F5: variants seen among roughly 807,000 people sequenced by gnomAD.
The protein encoded by F5 is activated protein c cofactor.
A neutral mutation model predicts 216.4 loss-of-function variants in F5; 138 were observed. That is an observed-to-expected ratio of 0.64 (90% CI 0.56 to 0.73). F5 has a LOEUF of 0.73. Ranked by LOEUF, F5 falls within the 30% of genes least tolerant of loss-of-function variation. The probability of loss-of-function intolerance (pLI) is 0.00; values close to 1 mark genes in which losing one functional copy is unlikely to be tolerated. For synonymous variants in F5, 916 were observed against 930.7 expected, an observed-to-expected ratio of 0.98 and a Z score of 0.29; for missense variants, 2,403 against 2,674.0, an observed-to-expected ratio of 0.90 and a Z score of 2.24.
At chr1:169,531,738 A>G (rs545684678) in intron 14 of F5, among the ~76,000 whole-genome samples, 1 of 152,256 alleles carries the variant, frequency 6.6e-6, no homozygotes, top group South Asian at 2.1e-4. Context: ...CTTAAATGCC[A>G]TATGAGAAGT....
chr1:169,538,598 A>C (rs1002640524), intron 13 of F5, among the ~76,000 whole-genome samples: 2 of 152,206 alleles, frequency 1.3e-5, no homozygotes, highest in South Asian at 2.1e-4. Flanking sequence ...ACAACAACAA[A>C]AAAACTGGGG....
intron 6 of F5, among the ~76,000 whole-genome samples, chr1:169,556,425 T>TAGAAAAAAAAAAAAAAAAAAAA (rs1553222165): frequency 1.7e-5 from 1 of 58,906 alleles, no homozygotes; most frequent in Non-Finnish European, 2.9e-5. Flanking sequence ...TTTGCTTAAT[T>TAGAAAAAAAAAAAAAAAAAAAA]AAAAAAAAAA....
At chr1:169,535,102 C>G (rs889915701) in intron 14 of F5, among the ~76,000 whole-genome samples, 5 of 152,128 alleles carry the variant, frequency 3.3e-5, no homozygotes, top group African/African-American at 1.2e-4. Flanking sequence ...ATGATGGGAT[C>G]AATCATACCC....
intron 18 of F5, 94 bp from the exon 19 acceptor site, chr1:169,525,002 A>T: frequency 1.0e-6 from 1 of 989,780 alleles, no homozygotes; most frequent in East Asian, 2.6e-5. Context: ...TTCTGACTCA[A>T]TAATTAGATA....
At position 169,529,807 on chromosome 1, in the gene F5, A is replaced by G; in HGVS notation, c.5220T>C (p.Ile1740=). The change falls in exon 16 of 25, where the codon ATT becomes ATC. Residue 1740 remains isoleucine, a synonymous_variant. Coordinates refer to ENST00000367797, the MANE Select transcript of F5 (RefSeq NM_000130.5). ...YYSAVNPEKD[I]HSGLIGPLLI... ...GGAGGGGACCTATCAAGCCTGAGTG[A>G]ATATCTTTTTCCTGGAAAAACAGAG... 30 of 1,613,286 alleles carry G rather than the reference A, an allele frequency of 1.9e-5. No individual in the cohort carries two copies. The highest frequency in any genetic ancestry group is 2.5e-5 in the Non-Finnish European group (30 of 1,179,512).
rs564182832 is a variant in F5, at chr1:169,544,517, G to A, written c.1763-9C>T. On this transcript the variant is annotated splice_polypyrimidine_tract_variant and intron_variant, in intron 11 of 24. Coordinates refer to ENST00000367797, the MANE Select transcript of F5 (RefSeq NM_000130.5). ...CACATAGCCATTGATAGCTGAAAGT[G>A]TAAAATCTGTTAAAATTCCAAGTCT... is the stretch of plus-strand genomic sequence containing the variant. The A allele has an allele frequency of 1.1e-5, 17 of 1,611,878 alleles. No individual in the cohort carries two copies. The African/African-American group carries it at 2.3e-4, about 21-fold the overall frequency.
intron 22 of F5, among the ~76,000 whole-genome samples, chr1:169,519,049 T>C (rs900258823): frequency 2.0e-5 from 3 of 152,174 alleles, no homozygotes; most frequent in African/African-American, 7.2e-5. Context: ...CCTTAGAGGG[T>C]AATTCGAGTT....
At position 169,540,671 on chromosome 1, in the gene F5, C is replaced by G; in HGVS notation, c.4419G>C (p.Leu1473Phe). 1 of 1,613,986 alleles carries G rather than the reference C, an allele frequency of 6.2e-7. No homozygotes were observed. The highest frequency in any genetic ancestry group is 1.1e-5 in the South Asian group (1 of 91,076). Reference sequence around the variant, plus strand: ...AAGACTCATTAAATTCTTGAAGAAGCAATGACTGACTAGATTCAGAAGGGT... The same window carrying G: ...AAGACTCATTAAATTCTTGAAGAAGGAATGACTGACTAGATTCAGAAGGGT... ...IFYPSESSQS[L>F]LLQEFNESFP... Residue 1473 changes from leucine to phenylalanine, a missense_variant, in exon 13 of 25, where the codon TTG becomes TTC. Physicochemically the swap from Leu to Phe is conservative, Grantham distance 22 (BLOSUM62 0). Coordinates refer to ENST00000367797, the MANE Select transcript of F5 (RefSeq NM_000130.5).
At chr1:169,546,131 T>C (rs757254479) in intron 11 of F5, among the ~76,000 whole-genome samples, 1 of 151,948 alleles carries the variant, frequency 6.6e-6, no homozygotes, top group Non-Finnish European at 1.5e-5. Flanking sequence ...ACACCTTCCA[T>C]TAGTCCTACT....
At chr1:169,552,443 T>A (rs1480901926) in intron 8 of F5, 114 bp downstream of exon 8, 13 of 890,668 alleles carry the variant, frequency 1.5e-5, no homozygotes, top group Non-Finnish European at 2.1e-5. Context: ...AAAAGTTGCA[T>A]TTGAATTTAA....
At position 169,542,109 on chromosome 1, in the gene F5, T is replaced by A; in HGVS notation, c.2981A>T (p.Lys994Met). ...AGGAAACTTTGGGTGGCCACTCTGCTTTCCAGGCTTGTTGGCAAGAGGGGT... is the reference window on the plus strand; with the variant it reads ...AGGAAACTTTGGGTGGCCACTCTGCATTCCAGGCTTGTTGGCAAGAGGGGT... Reference protein sequence around the residue: ...ESTPLANKPGKQSGHPKFPRV... With the variant: ...ESTPLANKPGMQSGHPKFPRV... Residue 994 changes from lysine to methionine, a missense_variant, in exon 13 of 25, where the codon AAG becomes ATG. By Grantham distance (95) the Lys-to-Met change is moderately conservative. Coordinates refer to ENST00000367797, the MANE Select transcript of F5 (RefSeq NM_000130.5). 6.2e-7 allele frequency: 1 copy of A among 1,614,132 alleles called. No homozygotes were observed. Among genetic ancestry groups the A allele is most frequent in the Non-Finnish European group, 8.5e-7 (1 of 1,179,998 alleles).
intron 8 of F5, 123 bp downstream of exon 8, chr1:169,552,434 A>G: frequency 1.2e-6 from 1 of 808,450 alleles, no homozygotes; most frequent in Non-Finnish European, 2.0e-6. Flanking sequence ...ATAAAAACTA[A>G]AAGTTGCATT....
chr1:169,518,445 A>G lies in F5; in HGVS notation c.6312T>C (p.Asn2104=). 1 of 1,613,848 alleles carries G rather than the reference A, an allele frequency of 6.2e-7. No individual in the cohort carries two copies. Among genetic ancestry groups the G allele is most frequent in the Non-Finnish European group, 8.5e-7 (1 of 1,179,816 alleles). ...GCCAGGCATTCACACGTCCCTGGGC[A>G]TTCAGACGGGCACGGAAGGGTTCCC... ...DYWEPFRARL[N]AQGRVNAWQA... is the part of the protein sequence containing the mutation. The change falls in exon 23 of 25, where the codon AAT becomes AAC. Residue 2104 remains asparagine, a synonymous_variant. Coordinates refer to ENST00000367797, the MANE Select transcript of F5 (RefSeq NM_000130.5).
chr1:169,555,243 A>G lies in F5; in HGVS notation c.1057T>C (p.Phe353Leu). The change falls in exon 7 of 25, where the codon TTC becomes CTC. Residue 353 changes from phenylalanine to leucine, a missense_variant. Physicochemically the swap from Phe to Leu is conservative, Grantham distance 22. Coordinates refer to ENST00000367797, the MANE Select transcript of F5 (RefSeq NM_000130.5). ...QRRHMKRWEY[F>L]IAAEEVIWDY... The stretch of plus-strand genomic sequence containing the variant: ...CAAATGACTTCCTCTGCAGCAATGA[A>G]GTATTCCCACCTCTTCATGTGCCGC... The G allele has an allele frequency of 1.2e-6, 2 of 1,614,148 alleles. No homozygotes were observed. The highest frequency in any genetic ancestry group is 1.7e-6 in the Non-Finnish European group (2 of 1,180,016).
At chr1:169,532,192 A>G (rs1042948988) in intron 14 of F5, among the ~76,000 whole-genome samples, 1 of 152,204 alleles carries the variant, frequency 6.6e-6, no homozygotes, top group Non-Finnish European at 1.5e-5. Flanking sequence ...TTGAAGGAAC[A>G]TACTTCAAAC....
In F5 at chr1:169,557,791, C is replaced by T. The variant is rs1222112618; in HGVS notation, c.731-924G>A. On this transcript the variant is annotated intron_variant, in intron 5 of 24. Coordinates refer to ENST00000367797, the MANE Select transcript of F5 (RefSeq NM_000130.5). ...GCAACAAAGCCAGGATTCCTTGCAT[C>T]ACTAGGAGGCTTTGGTGGAAGCGTT... 3.3e-5 allele frequency among the ~76,000 whole-genome samples: 5 copies of T among 151,940 alleles called. No homozygotes were observed. In the South Asian group the frequency reaches 6.2e-4, roughly 19 times the overall value.
intron 7 of F5, among the ~76,000 whole-genome samples, chr1:169,553,996 G>T (rs951474648): frequency 3.2e-4 from 48 of 150,622 alleles, no homozygotes; most frequent in Non-Finnish European, 6.4e-4. Flanking sequence ...ACTGACTGTT[G>T]CCAAACACTC....
chr1:169,523,899 A>G lies in F5; in HGVS notation c.5794T>C (p.Trp1932Arg). Residue 1932 changes from tryptophan (W) to arginine (R), a missense_variant, in exon 20 of 25, where the codon TGG becomes CGG. Trp to Arg is a moderately radical substitution (Grantham distance 101, BLOSUM62 -3). Transcript: ENST00000367797. ...QIKASEFLGY[W>R]EPRLARLNNG... ...TTTAATCTTGCTAATCTGGGCTCCC[A>G]GTAACCTAAACTCAAGGGAAGAAAA... 1 of 1,612,450 alleles carries G rather than the reference A, an allele frequency of 6.2e-7. No homozygotes were observed. Among genetic ancestry groups the G allele is most frequent in the East Asian group, 2.2e-5 (1 of 44,860 alleles).
chr1:169,584,009 A>G (rs927812400), intron 1 of F5, among the ~76,000 whole-genome samples: 1 of 152,240 alleles, frequency 6.6e-6, no homozygotes, highest in African/African-American at 2.4e-5. Flanking sequence ...TAAGAATTCC[A>G]GGATTCTATA....
Sources: allele counts gnomAD v4.1 joint callset (sites outside exome capture counted in the v4.1 genomes callset), GRCh38; gene constraint gnomAD v4.1.1; transcripts MANE v1.5; gene names NCBI Gene and HGNC (gene_info 2026-07-23, HGNC 2026-07-21).